PWWP3A: variants seen among roughly 807,000 people sequenced by gnomAD.
The protein encoded by PWWP3A is PWWP domain-containing DNA repair factor 3A.
In PWWP3A, 53 loss-of-function variants were observed where a neutral mutation model predicts 79.0. The observed-to-expected ratio is 0.67, with a 90% CI of 0.54 to 0.84. PWWP3A has a LOEUF of 0.84. Ranked by LOEUF, PWWP3A falls within the 40% of genes least tolerant of loss-of-function variation. The probability of loss-of-function intolerance (pLI) is 0.00; values close to 1 mark genes in which losing one functional copy is unlikely to be tolerated. For synonymous variants in PWWP3A, 443 were observed against 394.4 expected (o/e 1.12, Z -1.46); for missense variants, 973 against 948.0 (o/e 1.03, Z -0.35).
At position 1,373,160 on chromosome 19, in the gene PWWP3A, G is replaced by A. The variant is rs770189035; in HGVS notation, c.2075G>A (p.Arg692Gln). 1.9e-6 allele frequency: 3 copies of A among 1,613,366 alleles called. No individual in the cohort carries two copies. The highest frequency in any genetic ancestry group is 3.3e-5 in the Admixed American group (2 of 59,998). The change falls in exon 13 of 14, where the codon CGG (arginine) becomes CAG (glutamine). Residue 692 changes from arginine to glutamine, a missense_variant and splice_region_variant. By Grantham distance (43) the Arg-to-Gln change is conservative (BLOSUM62 1). Transcript: ENST00000591337. ...KYIKGPSLSY[R>Q]EKEIFDNQLL... ...ATCAAGGGGCCTTCGCTGAGCTACC[G>A]GTAGGCCGCTCCCGGCGCTATCTCC...
Position 1,356,357 on chromosome 19 carries a change from G to C in PWWP3A, c.-36G>C. On this transcript the variant is annotated 5_prime_UTR_variant, in exon 2 of 14. Coordinates refer to ENST00000591337, the MANE Select transcript of PWWP3A (RefSeq NM_001369789.1). Reference sequence around the variant, plus strand: ...GGCGTGAGACCTGGGAGTACGTTGTGCCAAATCATTGCCACTTGCCACATG... The same window carrying C: ...GGCGTGAGACCTGGGAGTACGTTGTCCCAAATCATTGCCACTTGCCACATG... The C allele has an allele frequency of 6.2e-7, 1 of 1,611,374 alleles. No homozygotes were observed. The highest frequency in any genetic ancestry group is 1.1e-5 in the South Asian group (1 of 91,032).
At chr19:1,365,533 C>G (rs554956166) in intron 7 of PWWP3A, among the ~76,000 whole-genome samples, 4 of 152,350 alleles carry the variant, frequency 2.6e-5, no homozygotes, top group East Asian at 3.9e-4. Context: ...TCCGGGAAAC[C>G]GGGGATTGAA....
chr19:1,362,455 G>C, intron 6 of PWWP3A, 104 bp downstream of exon 6: 1 of 828,460 alleles, frequency 1.2e-6, no homozygotes, highest in Non-Finnish European at 1.9e-6. Context: ...AAGGTCTCCT[G>C]CGAGTTCATT....
intron 11 of PWWP3A, 61 bp from the exon 12 acceptor site, chr19:1,370,581 C>T: frequency 1.4e-6 from 2 of 1,410,050 alleles, no homozygotes; most frequent in Non-Finnish European, 1.9e-6. Context: ...CGGCCCTGAC[C>T]CACAGCCACC....
At position 1,360,853 on chromosome 19, in the gene PWWP3A, C is replaced by A. The variant is rs559002866; in HGVS notation, c.932C>A (p.Pro311Gln). Reference sequence around the variant, plus strand: ...CCGCGCCTGGATGGCAGCCAAAGGCCGCCTGCCGTGCAGCTGGAGCCCATG... The same window carrying A: ...CCGCGCCTGGATGGCAGCCAAAGGCAGCCTGCCGTGCAGCTGGAGCCCATG... ...KRPRLDGSQR[P>Q]PAVQLEPMAA... Residue 311 changes from proline to glutamine, a missense_variant, in exon 5 of 14, where the codon CCG (proline) becomes CAG (glutamine). Coordinates refer to ENST00000591337, the MANE Select transcript of PWWP3A (RefSeq NM_001369789.1). The surrounding 1 kb of genome is among the most constrained non-coding windows in gnomAD (Gnocchi z 4.4). 2 of 1,548,350 alleles carry A rather than the reference C, an allele frequency of 1.3e-6. No homozygotes were observed. The highest frequency in any genetic ancestry group is 2.4e-5 in the East Asian group (1 of 41,428).
At chr19:1,361,863 A>G (rs988862376) in intron 5 of PWWP3A, 7 of 196,096 alleles carry the variant, frequency 3.6e-5, no homozygotes, top group Middle Eastern at 2.2e-3. Context: ...ACCCTGTTCT[A>G]TAGTCAGCTC....
chr19:1,355,177 G>C (rs1390601036), intron 1 of PWWP3A, 42 bp downstream of exon 1: 1 of 152,186 alleles, frequency 6.6e-6, no homozygotes, highest in Non-Finnish European at 1.5e-5. Context: ...GCCGGGCGGG[G>C]CTGAGGCGAG....
At chr19:1,363,066 G>A (rs1055392409) in intron 6 of PWWP3A, among the ~76,000 whole-genome samples, 31 of 152,224 alleles carry the variant, frequency 2.0e-4, no homozygotes, top group Non-Finnish European at 3.4e-4. Flanking sequence ...AATAGTAAAG[G>A]GAGGTGAGGG....
rs150275507 is a variant in PWWP3A, at chr19:1,360,522, G to A, written c.601G>A (p.Glu201Lys). The A allele has an allele frequency of 2.2e-5, 36 of 1,614,110 alleles. No homozygotes were observed. Among genetic ancestry groups the A allele is most frequent in the Non-Finnish European group, 3.0e-5 (35 of 1,180,046 alleles). ...VLPAGGGAQD[E>K]SGSRIHHKNW... The stretch of plus-strand genomic sequence containing the variant: ...CCCAGCTGGAGGTGGTGCCCAAGAT[G>A]AGAGTGGGTCCAGAATCCACCACAA... Residue 201 changes from glutamate (E) to lysine (K), a missense_variant, in exon 5 of 14, where the codon GAG becomes AAG. By Grantham distance (56) the Glu-to-Lys change is moderately conservative (BLOSUM62 1). Transcript: ENST00000591337. This position sits in a 1 kb window ranked among gnomAD's most constrained non-coding sequence, Gnocchi z 4.4.
Position 1,360,039 on chromosome 19 carries a change from C to A in PWWP3A, c.215-97C>A. 1 of 1,244,890 alleles carries A rather than the reference C, an allele frequency of 8.0e-7. No individual in the cohort carries two copies. Among genetic ancestry groups the A allele is most frequent in the Non-Finnish European group, 1.1e-6 (1 of 936,394 alleles). 77.1% of individuals were successfully genotyped at this position (1,244,890 alleles called of 1,614,324 possible). ...TTCAGTGATTTAGGTATGAAACTAGCCGTCAGAATGAGACAAGCGAGCTTC... is the reference window on the plus strand; with the variant it reads ...TTCAGTGATTTAGGTATGAAACTAGACGTCAGAATGAGACAAGCGAGCTTC... On this transcript the variant is annotated intron_variant, in intron 4 of 13. Coordinates refer to ENST00000591337, the MANE Select transcript of PWWP3A (RefSeq NM_001369789.1). The surrounding 1 kb of genome is among the most constrained non-coding windows in gnomAD (Gnocchi z 4.4).
In PWWP3A at chr19:1,360,903, G is replaced by A. The variant is rs767705392; in HGVS notation, c.982G>A (p.Gly328Arg). 5.8e-5 allele frequency: 89 copies of A among 1,540,668 alleles called. No individual in the cohort carries two copies. Among genetic ancestry groups the A allele is most frequent in the Middle Eastern group, 1.7e-4 (1 of 5,892 alleles). Residue 328 changes from glycine to arginine, a missense_variant, in exon 5 of 14, where the codon GGG becomes AGG. Transcript: ENST00000591337. The surrounding 1 kb of genome is among the most constrained non-coding windows in gnomAD (Gnocchi z 4.4). ...GGCAGCAGGGGCCGCACCATCCCCC[G>A]GGCCGGGGCCAGGGCCCAGAGAGTC... The part of the protein sequence containing the change: ...PMAAGAAPSP[G>R]PGPGPRESVT...
chr19:1,358,312 T>C, intron 3 of PWWP3A, 82 bp from the exon 4 acceptor site: 1 of 1,293,652 alleles, frequency 7.7e-7, no homozygotes, highest in Non-Finnish European at 1.1e-6. Context: ...AAATAATTCT[T>C]TTGTTATCTA....
At chr19:1,373,190 A>G in intron 13 of PWWP3A, 30 bp downstream of exon 13, 5 of 1,593,298 alleles carry the variant, frequency 3.1e-6, no homozygotes, top group Non-Finnish European at 4.3e-6. Flanking sequence ...ATCTCCAGCC[A>G]CTTGCGTCTC....
In PWWP3A at chr19:1,360,299, T is replaced by C. The variant is rs200813011; in HGVS notation, c.378T>C (p.His126=). The change falls in exon 5 of 14, where the codon CAT becomes CAC. Residue 126 remains histidine, a synonymous_variant. Transcript: ENST00000591337. This position sits in a 1 kb window ranked among gnomAD's most constrained non-coding sequence, Gnocchi z 4.4. ...CTCTGCGAGGGAAGCCCATGGAGCA[T>C]GTCTCCTCGCCCTGTGATTCGAACT... ...DRSLRGKPME[H]VSSPCDSNSS... is the part of the protein sequence containing the mutation. 4.9e-5 allele frequency: 79 copies of C among 1,613,962 alleles called. No homozygotes were observed. The Admixed American group carries it at 1.2e-3, about 26-fold the overall frequency.
Position 1,376,295 on chromosome 19 carries a change from G to GTTTTTTTTTTTTTT in PWWP3A, c.2076-213_2076-212insTTTTTTTTTTTTTT, listed in dbSNP as rs754438911. Among the ~76,000 whole-genome samples, 88 of 67,050 alleles carry GTTTTTTTTTTTTTT rather than the reference G, an allele frequency of 1.3e-3. 11 individuals carry two copies. The highest frequency in any genetic ancestry group is 0.013 in the Middle Eastern group (1 of 76). 44.0% of individuals were successfully genotyped at this position (67,050 alleles called of 152,430 possible). Reference sequence around the variant, plus strand: ...CATGCGCCACCACGCCCGGCTGTTTGTTTTTTTTTTTGTTTGTTTTTTTTT... The same window carrying GTTTTTTTTTTTTTT: ...CATGCGCCACCACGCCCGGCTGTTTGTTTTTTTTTTTTTTTTTTTTTTTTTGTTTGTTTTTTTTT... On this transcript the variant is annotated intron_variant, in intron 13 of 13. Coordinates refer to ENST00000591337, the MANE Select transcript of PWWP3A (RefSeq NM_001369789.1).
Position 1,364,560 on chromosome 19 carries a change from A to AC in PWWP3A, c.1269dup (p.Phe424LeufsTer14). Reference sequence around the variant, plus strand: ...CTAGTCTGGCATAAACATAAAAAATACCCCTTCTGGCCAGCAGTGGTAAGA... The same window carrying AC: ...CTAGTCTGGCATAAACATAAAAAATACCCCCTTCTGGCCAGCAGTGGTAAGA... On this transcript the variant is annotated frameshift_variant, in exon 7 of 14. Coordinates refer to ENST00000591337, the MANE Select transcript of PWWP3A (RefSeq NM_001369789.1). LOFTEE classifies it high-confidence loss of function. 1.9e-6 allele frequency: 3 copies of AC among 1,608,568 alleles called. No individual in the cohort carries two copies. Among genetic ancestry groups the AC allele is most frequent in the Non-Finnish European group, 2.5e-6 (3 of 1,178,440 alleles).
Position 1,370,622 on chromosome 19 carries a change from G to A in PWWP3A, c.1550-20G>A, listed in dbSNP as rs761094023. ...AAGGCAGCCCACGCGCTGGTCCCAC[G>A]ACAGGTGCTTCTTTTGCAGGCTATC... On this transcript the variant is annotated intron_variant, in intron 11 of 13. Coordinates refer to ENST00000591337, the MANE Select transcript of PWWP3A (RefSeq NM_001369789.1). 34 of 1,444,622 alleles carry A rather than the reference G, an allele frequency of 2.4e-5. No homozygotes were observed. In the East Asian group the frequency reaches 2.5e-4, roughly 11 times the overall value. The allele number at this position is 1,444,622 out of a possible 1,614,324, so 89.5% of individuals were successfully genotyped here.
chr19:1,367,545 C>T (rs1376179037), intron 9 of PWWP3A, among the ~76,000 whole-genome samples: 3 of 152,242 alleles, frequency 2.0e-5, no homozygotes, highest in Non-Finnish European at 4.4e-5. Flanking sequence ...CCACCGCCTT[C>T]CCTGGCCGAC....
At position 1,358,476 on chromosome 19, in the gene PWWP3A, T is replaced by C. The variant is rs1568927310; in HGVS notation, c.214+12T>C. ...TGCTTCCTCGTTAGGTAAGAGCGTA[T>C]TTTTAAGTGGCCACTAGGTTTTCAT... On this transcript the variant is annotated intron_variant, in intron 4 of 13. Transcript: ENST00000591337. The C allele has an allele frequency of 6.2e-7, 1 of 1,613,478 alleles. No individual in the cohort carries two copies.
Sources: allele counts gnomAD v4.1 joint callset (sites outside exome capture counted in the v4.1 genomes callset), GRCh38; gene constraint gnomAD v4.1.1; non-coding constraint Gnocchi (gnomAD v3.1); transcripts MANE v1.5; gene names NCBI Gene and HGNC (gene_info 2026-07-23, HGNC 2026-07-21).